Variants in KDM2A observed in about 807,000 individuals in gnomAD.
KDM2A encodes the protein lysine demethylase 2A, also known as lysine-specific demethylase 2A.
Under a neutral mutation model 137.3 loss-of-function variants are expected in KDM2A, and 3 were observed. The ratio of observed to expected loss-of-function variants is 0.02; its 90% CI spans 0.01 to 0.06. The LOEUF (loss-of-function observed/expected upper bound fraction) is 0.06, where lower values mean the gene tolerates loss of function less well. Among genes scored for constraint, KDM2A ranks in the 10% least tolerant of loss-of-function variants. The pLI is 1.00. For synonymous variants in KDM2A, 512 were observed against 541.5 expected (o/e 0.95, Z 0.76); for missense variants, 738 against 1,510.6 (o/e 0.49, Z 8.48).
chr11:67,168,473 A>G (rs1856796406), intron 2 of KDM2A, among the ~76,000 whole-genome samples: 1 of 152,108 alleles, frequency 6.6e-6, no homozygotes, highest in African/African-American at 2.4e-5. Context: ...TGCTAGGACT[A>G]CATTTTAATT....
chr11:67,158,708 GC>G (rs1282393900), intron 2 of KDM2A, among the ~76,000 whole-genome samples: 2 of 151,958 alleles, frequency 1.3e-5, no homozygotes, highest in African/African-American at 4.8e-5. Flanking sequence ...TGTTACCCGG[GC>G]TGGTCTTGAA....
chr11:67,125,641 T>G (rs370372314), intron 2 of KDM2A, among the ~76,000 whole-genome samples: 7 of 150,768 alleles, frequency 4.6e-5, no homozygotes, highest in Admixed American at 1.3e-4. Flanking sequence ...GCACTGGGGG[T>G]GGTGGTGCGT....
chr11:67,239,856 C>A (rs190548280), intron 12 of KDM2A, among the ~76,000 whole-genome samples: 115 of 152,326 alleles, frequency 7.5e-4, no homozygotes, highest in Middle Eastern at 6.8e-3. Flanking sequence ...CCTAGGTTCT[C>A]CTATTGCAGT....
At chr11:67,179,296 G>A (rs894432228) in intron 2 of KDM2A, among the ~76,000 whole-genome samples, 33 of 151,864 alleles carry the variant, frequency 2.2e-4, no homozygotes, top group African/African-American at 8.0e-4. Context: ...TTTTTGAGAC[G>A]AAGTTTTGCT....
intron 2 of KDM2A, among the ~76,000 whole-genome samples, chr11:67,154,760 A>T (rs986930250): frequency 6.6e-6 from 1 of 152,160 alleles, no homozygotes; most frequent in Non-Finnish European, 1.5e-5. Flanking sequence ...TGTAAATGGA[A>T]TCATACAATA....
intron 12 of KDM2A, among the ~76,000 whole-genome samples, chr11:67,232,222 A>G (rs192734535): frequency 1.4e-4 from 21 of 152,210 alleles, no homozygotes; most frequent in Admixed American, 1.4e-3. Context: ...GCTGACCCCA[A>G]AAATAAAGTG....
chr11:67,193,492 A>G (rs971904761), intron 5 of KDM2A, among the ~76,000 whole-genome samples: 3 of 152,168 alleles, frequency 2.0e-5, no homozygotes, highest in Middle Eastern at 3.2e-3. Flanking sequence ...CTAGTTTTAA[A>G]AGTTAATACA....
chr11:67,234,249 C>CT (rs1858803200), intron 12 of KDM2A, among the ~76,000 whole-genome samples: 1 of 152,230 alleles, frequency 6.6e-6, no homozygotes, highest in South Asian at 2.1e-4. Flanking sequence ...TGCTGAATCA[C>CT]TGCACAGCTG....
At position 67,257,571 on chromosome 11, in the gene KDM2A, A is replaced by G. The variant is rs1859652801; in HGVS notation, c.*2516A>G. On this transcript the variant is annotated 3_prime_UTR_variant, in exon 21 of 21. Transcript: ENST00000529006. ...TCCAAGCACCGGGGCGAAAAACCAC[A>G]AAGGAAAGGAAGAAAATTTATATAT... 1.3e-5 allele frequency: 2 copies of G among 152,512 alleles called. No homozygotes were observed. The highest frequency in any genetic ancestry group is 6.5e-5 in the Admixed American group (1 of 15,268). The allele number at this position is 152,512 out of a possible 1,614,324, so 9.4% of individuals were successfully genotyped here.
At chr11:67,203,261 C>T (rs1857695651) in intron 5 of KDM2A, among the ~76,000 whole-genome samples, 1 of 151,426 alleles carries the variant, frequency 6.6e-6, no homozygotes. Flanking sequence ...TAATAGCCTA[C>T]AGTATAATGT....
At chr11:67,242,516 G>A (rs1859076506) in intron 12 of KDM2A, among the ~76,000 whole-genome samples, 1 of 152,184 alleles carries the variant, frequency 6.6e-6, no homozygotes, top group South Asian at 2.1e-4. Context: ...AAGTGAAGAA[G>A]CAATAATAAA....
intron 5 of KDM2A, among the ~76,000 whole-genome samples, chr11:67,200,137 T>C (rs767524303): frequency 6.6e-6 from 1 of 152,162 alleles, no homozygotes; most frequent in Non-Finnish European, 1.5e-5. Context: ...CCTTTCAAAA[T>C]GTTACTGCTC....
chr11:67,219,710 C>A (rs1858279064), intron 10 of KDM2A: 2 of 163,042 alleles, frequency 1.2e-5, no homozygotes, highest in Non-Finnish European at 2.7e-5. Flanking sequence ...CACACCACAT[C>A]TGACTAATTT....
intron 6 of KDM2A, among the ~76,000 whole-genome samples, chr11:67,214,353 C>T (rs1412687019): frequency 7.9e-5 from 12 of 151,780 alleles, no homozygotes; most frequent in Non-Finnish European, 1.6e-4. Context: ...TACGGGCGCC[C>T]GCCACCACGC....
At chr11:67,151,324 T>C (rs1021684197) in intron 2 of KDM2A, among the ~76,000 whole-genome samples, 1 of 152,154 alleles carries the variant, frequency 6.6e-6, no homozygotes, top group African/African-American at 2.4e-5. Flanking sequence ...AAGATGTTGG[T>C]GTAAACTATA....
At chr11:67,200,458 C>G (rs1218781937) in intron 5 of KDM2A, among the ~76,000 whole-genome samples, 1 of 152,148 alleles carries the variant, frequency 6.6e-6, no homozygotes, top group Non-Finnish European at 1.5e-5. Flanking sequence ...ACCTCATGAT[C>G]CGCCCGCCTC....
At chr11:67,135,948 CT>C (rs1024997933) in intron 2 of KDM2A, among the ~76,000 whole-genome samples, 2 of 152,214 alleles carry the variant, frequency 1.3e-5, no homozygotes, top group African/African-American at 4.8e-5. Flanking sequence ...CTATCATATA[CT>C]TTCATTGCAT....
intron 2 of KDM2A, among the ~76,000 whole-genome samples, chr11:67,172,420 TTTTTC>T (rs1007613259): frequency 3.3e-5 from 5 of 152,188 alleles, no homozygotes; most frequent in African/African-American, 1.2e-4. Context: ...ACACAGGACA[TTTTTC>T]TATTTAGCTA....
chr11:67,137,823 G>T (rs11227703), intron 2 of KDM2A, among the ~76,000 whole-genome samples: 4,835 of 152,114 alleles, frequency 0.032, 123 homozygotes, highest in African/African-American at 0.07. Context: ...TTGAGAAGGG[G>T]TCTCAGCTCT....
Sources: gnomAD v4.1 joint callset for allele counts (sites outside exome capture counted in the v4.1 genomes callset) on GRCh38, gnomAD v4.1.1 for gene constraint, MANE v1.5 for transcripts, NCBI Gene and HGNC (gene_info 2026-07-23, HGNC 2026-07-21) for gene names.